IRAG1: variants seen among roughly 807,000 people sequenced by gnomAD.
The protein encoded by IRAG1 is inositol 1,4,5-triphosphate receptor associated 1.
IRAG1 carries 62 observed loss-of-function variants against 106.2 expected under a neutral mutation model. The observed-to-expected ratio is 0.58, with a 90% CI of 0.48 to 0.72. IRAG1 has a LOEUF of 0.72. Among genes scored for constraint, IRAG1 ranks in the 30% least tolerant of loss-of-function variants. IRAG1 has a pLI of 0.00. For synonymous variants in IRAG1, 462 were observed against 443.9 expected (o/e 1.04, Z -0.51); for missense variants, 1,064 against 1,140.7 (o/e 0.93, Z 0.97).
At chr11:10,609,682 G>T (rs765505976) in intron 11 of IRAG1, 46 bp downstream of exon 11, 6 of 1,579,542 alleles carry the variant, frequency 3.8e-6, no homozygotes, top group Non-Finnish European at 5.1e-6. Flanking sequence ...TCCAACACAG[G>T]GGCCACTCGG....
Position 10,581,875 on chromosome 11 carries a change from G to T in IRAG1, c.2352C>A (p.Tyr784Ter). ...ETKARMEEEA[Y>*]SKGFQEGLKK... ...GCTGAGGTCTGACTCACCCCTTGCT[G>T]TAGGCTTCTTCCTCCATCCTGGCCT... is the stretch of plus-strand genomic sequence containing the variant. Residue 784 changes from tyrosine (Y) to a stop codon, truncating the protein, a stop_gained, in exon 19 of 21, where the codon TAC (tyrosine) becomes TAA (stop). Coordinates refer to ENST00000423302, the MANE Select transcript of IRAG1 (RefSeq NM_130385.4). LOFTEE classifies it high-confidence loss of function. 1 of 1,613,710 alleles carries T rather than the reference G, an allele frequency of 6.2e-7. No individual in the cohort carries two copies. Among genetic ancestry groups the T allele is most frequent in the Non-Finnish European group, 8.5e-7 (1 of 1,179,694 alleles).
chr11:10,613,652 T>C (rs1267713768), intron 10 of IRAG1, among the ~76,000 whole-genome samples: 1 of 152,232 alleles, frequency 6.6e-6, no homozygotes, highest in East Asian at 1.9e-4. Flanking sequence ...GTAAATGTTA[T>C]AACCTTAATG....
chr11:10,654,913 T>A (rs1858802176), intron 1 of IRAG1, among the ~76,000 whole-genome samples: 1 of 152,206 alleles, frequency 6.6e-6, no homozygotes, highest in Admixed American at 6.5e-5. Context: ...GCATGCTGTC[T>A]GTGTCTTCCA....
chr11:10,610,520 T>G (rs1314957601), intron 10 of IRAG1, among the ~76,000 whole-genome samples: 1 of 152,246 alleles, frequency 6.6e-6, no homozygotes, highest in African/African-American at 2.4e-5. Context: ...CTTTCTCCTG[T>G]TTGAAAACAG....
chr11:10,643,139 A>G (rs1327941690), intron 2 of IRAG1, among the ~76,000 whole-genome samples: 2 of 122,162 alleles, frequency 1.6e-5, no homozygotes. Flanking sequence ...GTGCCACTGC[A>G]CTCCTCCAGC....
chr11:10,576,419 C>A lies in IRAG1; in HGVS notation c.2652G>T (p.Gly884=). 6.2e-7 allele frequency: 1 copy of A among 1,613,970 alleles called. No individual in the cohort carries two copies. Among genetic ancestry groups the A allele is most frequent in the Non-Finnish European group, 8.5e-7 (1 of 1,179,880 alleles). Residue 884 remains glycine, a synonymous_variant, in exon 21 of 21, where the codon GGG becomes GGT. Coordinates refer to ENST00000423302, the MANE Select transcript of IRAG1 (RefSeq NM_130385.4). ...SYNSCAEQAD[G]PLGRSTCSAA... is the part of the protein sequence containing the mutation. Reference sequence around the variant, plus strand: ...CCGAGCAAGTGGATCTTCCAAGGGGCCCATCAGCCTGCTCTGCACAAGAGT... The same window carrying A: ...CCGAGCAAGTGGATCTTCCAAGGGGACCATCAGCCTGCTCTGCACAAGAGT...
chr11:10,656,346 A>G (rs994063306), intron 1 of IRAG1, among the ~76,000 whole-genome samples: 4 of 152,244 alleles, frequency 2.6e-5, no homozygotes, highest in Admixed American at 1.3e-4. Context: ...GTGCCTAACT[A>G]GAACCTGGCC....
chr11:10,632,095 T>C (rs900601804), intron 3 of IRAG1, 34 bp from the exon 4 acceptor site: 19 of 1,512,952 alleles, frequency 1.3e-5, no homozygotes, highest in Non-Finnish European at 1.7e-5. Flanking sequence ...GTTCAGAAAA[T>C]CAATCCACAA....
chr11:10,677,181 C>T (rs1860749419), intron 1 of IRAG1, among the ~76,000 whole-genome samples: 1 of 152,306 alleles, frequency 6.6e-6, no homozygotes, highest in African/African-American at 2.4e-5. Context: ...AACGCTCCCT[C>T]CACTCTCCCA....
rs369093315 is a variant in IRAG1, at chr11:10,623,801, C to T, written c.1424G>A (p.Ser475Asn). 1 of 1,614,066 alleles carries T rather than the reference C, an allele frequency of 6.2e-7. No individual in the cohort carries two copies. Among genetic ancestry groups the T allele is most frequent in the African/African-American group, 1.3e-5 (1 of 75,058 alleles). Residue 475 changes from serine to asparagine, a missense_variant, in exon 10 of 21, where the codon AGT becomes AAT. Ser to Asn is a conservative substitution (Grantham distance 46, BLOSUM62 1). Transcript: ENST00000423302. The stretch of plus-strand genomic sequence containing the variant: ...ACCTTTTTCCTGCTCAGCTGCTTCA[C>T]TAAGGTCTGGAAGCTTGAGCCCCAC... The part of the protein sequence containing the change: ...NLVGLKLPDL[S>N]EAAEQEKGLP...
chr11:10,602,984 G>A (rs538381943), intron 14 of IRAG1, 136 bp downstream of exon 14: 6 of 977,274 alleles, frequency 6.1e-6, no homozygotes, highest in South Asian at 1.7e-5. Flanking sequence ...GAATAATACT[G>A]CAATGATGTG....
In IRAG1 at chr11:10,591,811, C is replaced by T. The variant is rs114356637; in HGVS notation, c.2176-199G>A. 6.6e-3 allele frequency among the ~76,000 whole-genome samples: 1,010 copies of T among 152,272 alleles called. 14 individuals are homozygous for T. The highest frequency in any genetic ancestry group is 0.023 in the African/African-American group (952 of 41,538). Reference sequence around the variant, plus strand: ...CCCTGTCCTCCTTTCCTCTAGGGCACATGCAGCTTCCTCCTTTTCCTTCAC... The same window carrying T: ...CCCTGTCCTCCTTTCCTCTAGGGCATATGCAGCTTCCTCCTTTTCCTTCAC... On this transcript the variant is annotated intron_variant, in intron 17 of 20. Transcript: ENST00000423302.
rs1378697097 is a variant in IRAG1, at chr11:10,609,848, AGCCCTG to A, written c.1448-3_1450del. On this transcript the variant is annotated splice_acceptor_variant and splice_polypyrimidine_tract_variant and coding_sequence_variant and intron_variant, in exon 11 of 21. Coordinates refer to ENST00000423302, the MANE Select transcript of IRAG1 (RefSeq NM_130385.4). LOFTEE classifies it high-confidence loss of function. ...AATAGCTGGGGAGAGTTCAGAAGGAAGCCCTGAAAAAAAAGTGCTTACTTATAAAAT... is the reference window on the plus strand; with the variant it reads ...AATAGCTGGGGAGAGTTCAGAAGGAAAAAAAAAAGTGCTTACTTATAAAAT... 4 of 1,613,304 alleles carry A rather than the reference AGCCCTG, an allele frequency of 2.5e-6. No individual in the cohort carries two copies. Among genetic ancestry groups the A allele is most frequent in the Admixed American group, 3.3e-5 (2 of 59,866 alleles).
intron 1 of IRAG1, among the ~76,000 whole-genome samples, chr11:10,684,038 C>T (rs1861470950): frequency 6.6e-6 from 1 of 152,052 alleles, no homozygotes; most frequent in South Asian, 2.1e-4. Context: ...ATTGGAGGTG[C>T]ATGCTAAAAA....
At chr11:10,596,624 G>A (rs1277992901) in intron 15 of IRAG1, among the ~76,000 whole-genome samples, 2 of 152,106 alleles carry the variant, frequency 1.3e-5, no homozygotes, top group Non-Finnish European at 2.9e-5. Context: ...CCTAATAAAT[G>A]TATTTGGGAC....
At chr11:10,676,154 G>C (rs544218813) in intron 1 of IRAG1, among the ~76,000 whole-genome samples, 1 of 152,224 alleles carries the variant, frequency 6.6e-6, no homozygotes, top group African/African-American at 2.4e-5. Context: ...TAGTGGCTTC[G>C]CTTTGCCTCC....
At chr11:10,670,343 C>T (rs1172125561) in intron 1 of IRAG1, among the ~76,000 whole-genome samples, 1 of 152,204 alleles carries the variant, frequency 6.6e-6, no homozygotes, top group Non-Finnish European at 1.5e-5. Flanking sequence ...AATGGCTGGT[C>T]ATCCACCCTC....
intron 1 of IRAG1, among the ~76,000 whole-genome samples, chr11:10,662,088 C>A (rs1859447637): frequency 6.6e-6 from 1 of 152,154 alleles, no homozygotes; most frequent in Non-Finnish European, 1.5e-5. Context: ...ATGAATGACA[C>A]CGTATTTCTA....
chr11:10,640,607 G>A (rs1223215439), intron 2 of IRAG1, among the ~76,000 whole-genome samples: 3 of 152,152 alleles, frequency 2.0e-5, no homozygotes, highest in Admixed American at 2.0e-4. Context: ...GAGAGTGTGT[G>A]GGAAGATTCT....
Sources: gnomAD v4.1 joint callset for allele counts (sites outside exome capture counted in the v4.1 genomes callset) on GRCh38, gnomAD v4.1.1 for gene constraint, MANE v1.5 for transcripts, NCBI Gene and HGNC (gene_info 2026-07-23, HGNC 2026-07-21) for gene names.